SEMA6A: variants seen among roughly 807,000 people sequenced by gnomAD.
The protein encoded by SEMA6A is semaphorin-6A.
SEMA6A carries 25 observed loss-of-function variants against 96.8 expected under a neutral mutation model. The observed-to-expected ratio is 0.26, with a 90% confidence interval of 0.19 to 0.36. The LOEUF is 0.36. SEMA6A is among the 10% of genes least tolerant of loss of function. The pLI, the probability that SEMA6A is intolerant of heterozygous loss-of-function variation, is 1.00. For missense variants in SEMA6A, 1,363 were observed against 1,323.1 expected, an observed-to-expected ratio of 1.03 and a Z score of -0.47; for synonymous variants, 612 against 518.0, an observed-to-expected ratio of 1.18 and a Z score of -2.46.
At chr5:116,475,864 A>G (rs906052867) in intron 15 of SEMA6A, among the ~76,000 whole-genome samples, 1 of 152,266 alleles carries the variant, frequency 6.6e-6, no homozygotes, top group African/African-American at 2.4e-5. Context: ...GATTATTTAC[A>G]TCCTTCTTTA....
At chr5:116,532,544 C>CT (rs1454057873) in intron 1 of SEMA6A, among the ~76,000 whole-genome samples, 2 of 152,088 alleles carry the variant, frequency 1.3e-5, no homozygotes, top group South Asian at 2.1e-4. Flanking sequence ...TTTCTGATCC[C>CT]TCCCCCCCAG....
At chr5:116,448,196 A>AAAAAAT (rs780426357) in intron 18 of SEMA6A, among the ~76,000 whole-genome samples, 5 of 138,638 alleles carry the variant, frequency 3.6e-5, no homozygotes, top group Admixed American at 1.5e-4. Context: ...AAAAAAAAAA[A>AAAAAAT]TTAGCCAGGC....
At chr5:116,501,581 A>G (rs906139885) in intron 3 of SEMA6A, among the ~76,000 whole-genome samples, 2 of 152,204 alleles carry the variant, frequency 1.3e-5, no homozygotes, top group Non-Finnish European at 2.9e-5. Context: ...TTACACATTC[A>G]CCTTAATTTA....
intron 1 of SEMA6A, among the ~76,000 whole-genome samples, chr5:116,564,774 T>C (rs1213197965): frequency 6.6e-6 from 1 of 151,974 alleles, no homozygotes; most frequent in Non-Finnish European, 1.5e-5. Flanking sequence ...TATTCACGAG[T>C]TGACAAAGCA....
At position 116,574,450 on chromosome 5, in the gene SEMA6A, G is replaced by GAAGAAA. The variant is rs760451405; in HGVS notation, c.-310_-305dup. 1 of 151,136 alleles carries GAAGAAA rather than the reference G, an allele frequency of 6.6e-6. No homozygotes were observed. The highest frequency in any genetic ancestry group is 6.6e-5 in the Admixed American group (1 of 15,212). The allele number at this position is 151,136 out of a possible 1,614,324, so 9.4% of individuals were successfully genotyped here. Reference sequence around the variant, plus strand: ...GGAAAAAAGAAGCCAAAAAAAAAAAGAAGAAAAAGAAAAAGAAAACCAACA... The same window carrying GAAGAAA: ...GGAAAAAAGAAGCCAAAAAAAAAAAGAAGAAAAAGAAAAAGAAAAAGAAAACCAACA... On this transcript the variant is annotated 5_prime_UTR_variant, in exon 1 of 19. Coordinates refer to ENST00000343348, the MANE Select transcript of SEMA6A (RefSeq NM_020796.5).
chr5:116,513,317 G>A (rs1432034060), intron 1 of SEMA6A, among the ~76,000 whole-genome samples: 1 of 152,008 alleles, frequency 6.6e-6, no homozygotes, highest in East Asian at 1.9e-4. Context: ...AGTAGAGACG[G>A]GGTTTCTCCA....
intron 2 of SEMA6A, among the ~76,000 whole-genome samples, chr5:116,503,990 T>C (rs949124026): frequency 6.6e-6 from 1 of 152,194 alleles, no homozygotes; most frequent in Non-Finnish European, 1.5e-5. Flanking sequence ...ACTCTAATTG[T>C]TTTGTGTGTC....
chr5:116,531,200 G>T (rs1217596048), intron 1 of SEMA6A, among the ~76,000 whole-genome samples: 2 of 152,014 alleles, frequency 1.3e-5, no homozygotes, highest in Admixed American at 6.6e-5. Context: ...TGGGGGAGGC[G>T]GTGGGGATTG....
At chr5:116,492,806 G>T (rs761098125) in intron 6 of SEMA6A, among the ~76,000 whole-genome samples, 2 of 152,178 alleles carry the variant, frequency 1.3e-5, no homozygotes, top group Non-Finnish European at 2.9e-5. Flanking sequence ...GCTATGATAA[G>T]ACTTGGGTTT....
chr5:116,467,384 G>GT (rs1755824860), intron 18 of SEMA6A, among the ~76,000 whole-genome samples, 199 bp downstream of exon 18: 2 of 152,114 alleles, frequency 1.3e-5, no homozygotes, highest in African/African-American at 4.8e-5. Context: ...GTTTTGTGTG[G>GT]TTTTTCCTTG....
At chr5:116,487,969 C>A in intron 9 of SEMA6A, 139 bp downstream of exon 9, 2 of 529,324 alleles carry the variant, frequency 3.8e-6, no homozygotes, top group East Asian at 3.1e-5. Context: ...TGTTCTGAAA[C>A]AGCAGATAGG....
chr5:116,469,997 T>C (rs114021048), intron 17 of SEMA6A, among the ~76,000 whole-genome samples: 206 of 152,312 alleles, frequency 1.4e-3, no homozygotes, highest in Non-Finnish European at 2.2e-3. Flanking sequence ...TCTGATTTAC[T>C]GGAAAGAAAA....
chr5:116,487,076 C>A, intron 9 of SEMA6A, 110 bp from the exon 10 acceptor site: 2 of 693,578 alleles, frequency 2.9e-6, no homozygotes, highest in Non-Finnish European at 4.9e-6. Context: ...GTGCTTAATA[C>A]TGTTTCTAAA....
At chr5:116,565,142 A>AT (rs534998197) in intron 1 of SEMA6A, among the ~76,000 whole-genome samples, 3,187 of 152,008 alleles carry the variant, frequency 0.021, 42 homozygotes, top group Non-Finnish European at 0.032. Context: ...TTATTTATTT[A>AT]TTTTTTTTGC....
chr5:116,480,072 A>G, intron 12 of SEMA6A, 50 bp downstream of exon 12: 1 of 1,598,534 alleles, frequency 6.3e-7, no homozygotes. Flanking sequence ...GTTCTCCGAC[A>G]TGAGATGAAG....
chr5:116,504,428 T>A (rs1459504130), intron 2 of SEMA6A, among the ~76,000 whole-genome samples: 3 of 152,148 alleles, frequency 2.0e-5, no homozygotes, highest in South Asian at 2.1e-4. Context: ...CCAAAAAAAA[T>A]TTTTCTCTGA....
At chr5:116,559,073 A>C (rs566712570) in intron 1 of SEMA6A, among the ~76,000 whole-genome samples, 1 of 152,316 alleles carries the variant, frequency 6.6e-6, no homozygotes, top group African/African-American at 2.4e-5. Context: ...AGTGGTTTTT[A>C]TAGATGCAAT....
At chr5:116,480,019 G>A in intron 12 of SEMA6A, 103 bp downstream of exon 12, 3 of 1,349,480 alleles carry the variant, frequency 2.2e-6, no homozygotes, top group Non-Finnish European at 3.1e-6. Flanking sequence ...GCCCAGGATA[G>A]CAGAAGATGT....
At position 116,491,930 on chromosome 5, in the gene SEMA6A, G is replaced by A; in HGVS notation, c.445-100C>T. On this transcript the variant is annotated intron_variant, in intron 6 of 18. Coordinates refer to ENST00000343348, the MANE Select transcript of SEMA6A (RefSeq NM_020796.5). ...GGATGTGACAGGCCTTTTGTAATCTGTAATCACTTTGAGATGGACCCTGTT... is the reference window on the plus strand; with the variant it reads ...GGATGTGACAGGCCTTTTGTAATCTATAATCACTTTGAGATGGACCCTGTT... The A allele has an allele frequency of 3.2e-6, 3 of 940,664 alleles. No homozygotes were observed. The South Asian group carries it at 4.2e-5, about 13-fold the overall frequency. 58.3% of individuals were successfully genotyped at this position (940,664 alleles called of 1,614,324 possible). A position where few individuals can be genotyped will look rare whatever the true frequency, so the allele number is the denominator to read the frequency against.
Sources: gnomAD v4.1 joint callset for allele counts (sites outside exome capture counted in the v4.1 genomes callset) on GRCh38, gnomAD v4.1.1 for gene constraint, MANE v1.5 for transcripts, NCBI Gene and HGNC (gene_info 2026-07-23, HGNC 2026-07-21) for gene names.